Variants in YPEL2 observed in about 807,000 individuals in gnomAD.
YPEL2 encodes yippee like 2, also known as protein yippee-like 2.
A neutral mutation model predicts 19.1 loss-of-function variants in YPEL2; 2 were observed. The ratio of observed to expected loss-of-function variants is 0.10; its 90% CI spans 0.04 to 0.33. YPEL2 has a LOEUF of 0.33. Among genes scored for constraint, YPEL2 ranks in the 10% least tolerant of loss-of-function variants. The probability of loss-of-function intolerance (pLI) is 1.00; values close to 1 mark genes in which losing one functional copy is unlikely to be tolerated. For synonymous variants in YPEL2, 52 were observed against 50.0 expected (o/e 1.04, Z -0.17); for missense variants, 66 against 140.7 (o/e 0.47, Z 2.68).
chr17:59,332,860 T>G lies in YPEL2; in HGVS notation c.-196+1036T>G, dbSNP rs547618538. 2.0e-5 allele frequency among the ~76,000 whole-genome samples: 3 copies of G among 152,328 alleles called. No individual in the cohort carries two copies. In the East Asian group the frequency reaches 5.8e-4, roughly 29 times the overall value. On this transcript the variant is annotated intron_variant, in intron 1 of 4. Transcript: ENST00000312655. ...TTCTGGCCTCCTTGCTGATTTGCTG[T>G]CCTTGCAACTTGGGAGGCTCTTGAG...
intron 2 of YPEL2, among the ~76,000 whole-genome samples, chr17:59,370,925 A>G (rs556223791): frequency 2.2e-4 from 34 of 152,248 alleles, no homozygotes; most frequent in African/African-American, 8.2e-4. Flanking sequence ...GACCCTGTGC[A>G]GTGGCCCTTT....
intron 2 of YPEL2, among the ~76,000 whole-genome samples, chr17:59,371,282 C>A (rs1206395511): frequency 6.6e-6 from 1 of 152,172 alleles, no homozygotes; most frequent in African/African-American, 2.4e-5. Context: ...GAATGCTGAG[C>A]AGACCCCTTT....
At chr17:59,339,011 A>G (rs1274382875) in intron 1 of YPEL2, among the ~76,000 whole-genome samples, 3 of 152,206 alleles carry the variant, frequency 2.0e-5, no homozygotes, top group Non-Finnish European at 4.4e-5. Flanking sequence ...GGAGCTACCA[A>G]GCAGCCTTGG....
At chr17:59,378,232 A>G (rs992615073) in intron 2 of YPEL2, among the ~76,000 whole-genome samples, 26 of 152,134 alleles carry the variant, frequency 1.7e-4, no homozygotes, top group Non-Finnish European at 3.1e-4. Context: ...AACACTTCTG[A>G]TACCTTGTGA....
intron 4 of YPEL2, among the ~76,000 whole-genome samples, chr17:59,393,367 T>G (rs1464900118): frequency 6.6e-6 from 1 of 150,562 alleles, no homozygotes; most frequent in Non-Finnish European, 1.5e-5. Flanking sequence ...CAAACCGGCC[T>G]CAAGCAGTCT....
chr17:59,377,095 T>C lies in YPEL2; in HGVS notation c.118-11232T>C, dbSNP rs8073290. Among the ~76,000 whole-genome samples the C allele has an allele frequency of 8.9e-3, 1,361 of 152,230 alleles. 21 individuals carry two copies. Among genetic ancestry groups the C allele is most frequent in the African/African-American group, 0.031 (1,291 of 41,522 alleles). On this transcript the variant is annotated intron_variant, in intron 2 of 4. Coordinates refer to ENST00000312655, the MANE Select transcript of YPEL2 (RefSeq NM_001005404.4). ...CCTAGATTGGTTACAAAGGAAGTCT[T>C]ACTTTGGGAGTCGGTAGGTTTTGCC...
chr17:59,367,138 CTTTG>C (rs2047874279), intron 2 of YPEL2, among the ~76,000 whole-genome samples: 1 of 152,300 alleles, frequency 6.6e-6, no homozygotes, highest in African/African-American at 2.4e-5. Flanking sequence ...TTTCTCATGT[CTTTG>C]TTTATTTATT....
intron 1 of YPEL2, among the ~76,000 whole-genome samples, chr17:59,349,769 T>C (rs1282256685): frequency 6.6e-6 from 1 of 152,084 alleles, no homozygotes; most frequent in African/African-American, 2.4e-5. Flanking sequence ...CAGGCGATTC[T>C]CCTGCCTCAG....
chr17:59,365,359 G>A (rs916680724), intron 2 of YPEL2, among the ~76,000 whole-genome samples: 5 of 152,206 alleles, frequency 3.3e-5, no homozygotes, highest in African/African-American at 7.2e-5. Flanking sequence ...CTTACCTGCA[G>A]GCAGCAGCGA....
chr17:59,364,612 CTTTTT>C (rs56282847), intron 2 of YPEL2, among the ~76,000 whole-genome samples: 3 of 108,670 alleles, frequency 2.8e-5, no homozygotes, highest in African/African-American at 1.1e-4. Context: ...CCCTCTGTGT[CTTTTT>C]TTTTTTTTTT....
At chr17:59,387,257 T>TAA (rs373789547) in intron 2 of YPEL2, among the ~76,000 whole-genome samples, 14 of 77,518 alleles carry the variant, frequency 1.8e-4, no homozygotes, top group East Asian at 4.2e-4. Flanking sequence ...AGACTCCATC[T>TAA]AAAAAAAAAA....
chr17:59,341,402 G>A (rs988409640), intron 1 of YPEL2, among the ~76,000 whole-genome samples: 5 of 149,008 alleles, frequency 3.4e-5, no homozygotes, highest in South Asian at 2.1e-4. Context: ...AAAAAAAAAA[G>A]GCCAGGCGCG....
At chr17:59,342,766 G>T (rs1427205531) in intron 1 of YPEL2, among the ~76,000 whole-genome samples, 2 of 152,214 alleles carry the variant, frequency 1.3e-5, no homozygotes, top group African/African-American at 4.8e-5. Flanking sequence ...GGGATCCCTT[G>T]CCTTCTTGGT....
chr17:59,373,019 G>C (rs1337751778), intron 2 of YPEL2, among the ~76,000 whole-genome samples: 1 of 152,136 alleles, frequency 6.6e-6, no homozygotes, highest in African/African-American at 2.4e-5. Context: ...GATTACAGGC[G>C]TGTGCCACCA....
intron 4 of YPEL2, among the ~76,000 whole-genome samples, chr17:59,396,088 TAATA>T (rs1028753354): frequency 7.2e-5 from 11 of 152,020 alleles, no homozygotes; most frequent in African/African-American, 2.4e-4. Context: ...CTCAAAATAA[TAATA>T]AATAAAATTA....
In YPEL2 at chr17:59,388,774, T is replaced by C. The variant is rs148314009; in HGVS notation, c.161+404T>C. 286 of 212,796 alleles carry C rather than the reference T, an allele frequency of 1.3e-3. 4 individuals carry two copies. In the East Asian group the frequency reaches 0.023, roughly 17 times the overall value. The allele number at this position is 212,796 out of a possible 1,614,324, so 13.2% of individuals were successfully genotyped here. On this transcript the variant is annotated intron_variant, in intron 3 of 4. Transcript: ENST00000312655. ...GGCCCACTTCGGGCAGATGCACAGT[T>C]TCCAGGGCACTCAGCCATCCCCAGG...
intron 3 of YPEL2, 124 bp downstream of exon 3, chr17:59,388,494 A>G: frequency 5.2e-6 from 5 of 958,592 alleles, no homozygotes; most frequent in South Asian, 1.3e-5. Context: ...TCTGTGGAGC[A>G]TTACTGTCCA....
At chr17:59,348,898 C>A (rs1362754843) in intron 1 of YPEL2, among the ~76,000 whole-genome samples, 1 of 152,034 alleles carries the variant, frequency 6.6e-6, no homozygotes, top group Non-Finnish European at 1.5e-5. Flanking sequence ...AAAAAAAAAT[C>A]AATTTTGGCT....
intron 1 of YPEL2, among the ~76,000 whole-genome samples, chr17:59,347,579 T>C (rs1381757267): frequency 6.6e-6 from 1 of 152,222 alleles, no homozygotes; most frequent in Non-Finnish European, 1.5e-5. Context: ...GCCAGGGCTG[T>C]ATAAGTCAGA....
Sources: gnomAD v4.1 joint callset for allele counts (sites outside exome capture counted in the v4.1 genomes callset) on GRCh38, gnomAD v4.1.1 for gene constraint, MANE v1.5 for transcripts, NCBI Gene and HGNC (gene_info 2026-07-23, HGNC 2026-07-21) for gene names.